MYO5B: variants seen among roughly 807,000 people sequenced by gnomAD.
MYO5B encodes the protein unconventional myosin-Vb.
In MYO5B, 143 loss-of-function variants were observed where a neutral mutation model predicts 229.3. The ratio of observed to expected loss-of-function variants is 0.62; its 90% confidence interval spans 0.54 to 0.72. The LOEUF (loss-of-function observed/expected upper bound fraction) is 0.72. Among genes scored for constraint, MYO5B ranks in the 30% least tolerant of loss-of-function variants. MYO5B has a pLI of 0.00. For missense variants in MYO5B, 2,321 were observed against 2,331.0 expected (o/e 1.00, Z 0.09); for synonymous variants, 918 against 885.2 (o/e 1.04, Z -0.66).
At chr18:49,884,645 C>T (rs575366569) in intron 22 of MYO5B, among the ~76,000 whole-genome samples, 21 of 152,240 alleles carry the variant, frequency 1.4e-4, no homozygotes, top group African/African-American at 5.1e-4. Context: ...GCTGTAAATA[C>T]AGATGAAGCC....
At chr18:49,827,139 T>C (rs1293932307) in intron 39 of MYO5B, among the ~76,000 whole-genome samples, 4 of 152,226 alleles carry the variant, frequency 2.6e-5, no homozygotes, top group Non-Finnish European at 5.9e-5. Flanking sequence ...ACAGTGATTG[T>C]CAACTATCTC....
chr18:49,965,952 G>A (rs2025620368), intron 10 of MYO5B, among the ~76,000 whole-genome samples: 1 of 152,198 alleles, frequency 6.6e-6, no homozygotes, highest in African/African-American at 2.4e-5. Context: ...CCATTCTTCA[G>A]TACAACTAAA....
intron 10 of MYO5B, 27 bp from the exon 11 acceptor site, chr18:49,963,057 G>A: frequency 6.3e-7 from 1 of 1,592,990 alleles, no homozygotes; most frequent in South Asian, 1.1e-5. Flanking sequence ...GAAGATAAGA[G>A]ACGTCTCCTT....
intron 1 of MYO5B, among the ~76,000 whole-genome samples, chr18:50,189,939 G>T (rs1034496033): frequency 6.6e-6 from 1 of 152,172 alleles, no homozygotes; most frequent in African/African-American, 2.4e-5. Flanking sequence ...GTGCAAAGCT[G>T]CCATACATAT....
chr18:50,132,244 T>C (rs2032265512), intron 1 of MYO5B, among the ~76,000 whole-genome samples: 1 of 152,148 alleles, frequency 6.6e-6, no homozygotes, highest in Admixed American at 6.5e-5. Flanking sequence ...TTAAGAACAT[T>C]TGGGCATGGT....
intron 18 of MYO5B, among the ~76,000 whole-genome samples, chr18:49,909,049 G>C (rs564503723): frequency 6.6e-6 from 1 of 152,260 alleles, no homozygotes; most frequent in East Asian, 1.9e-4. Context: ...TGCCCTGCAG[G>C]CCACCTTTGT....
At chr18:49,862,015 G>A (rs2024336537) in intron 29 of MYO5B, among the ~76,000 whole-genome samples, 1 of 134,892 alleles carries the variant, frequency 7.4e-6, no homozygotes, top group Non-Finnish European at 1.6e-5. Context: ...TTTTTTTTTG[G>A]AGACACAGTT....
At chr18:50,124,622 T>G (rs541389989) in intron 1 of MYO5B, among the ~76,000 whole-genome samples, 1 of 152,316 alleles carries the variant, frequency 6.6e-6, no homozygotes, top group South Asian at 2.1e-4. Flanking sequence ...AAGACATGTA[T>G]AGCCTGCATA....
At chr18:49,986,432 C>G (rs2025871657) in intron 7 of MYO5B, among the ~76,000 whole-genome samples, 1 of 152,232 alleles carries the variant, frequency 6.6e-6, no homozygotes, top group Non-Finnish European at 1.5e-5. Flanking sequence ...CCAGGTGACC[C>G]TGCCCACAGG....
intron 32 of MYO5B, among the ~76,000 whole-genome samples, chr18:49,847,778 G>T (rs1428241254): frequency 2.0e-5 from 3 of 152,236 alleles, no homozygotes. Context: ...TGACACAGCC[G>T]CAGGGCAAAC....
chr18:49,968,422 A>G (rs1044356379), intron 10 of MYO5B, among the ~76,000 whole-genome samples: 2 of 152,258 alleles, frequency 1.3e-5, no homozygotes, highest in Admixed American at 6.5e-5. Context: ...GCATTCATCC[A>G]AAGACATAAG....
At chr18:49,872,513 G>A (rs2024467672) in intron 26 of MYO5B, among the ~76,000 whole-genome samples, 1 of 143,150 alleles carries the variant, frequency 7.0e-6, no homozygotes, top group Admixed American at 7.0e-5. Context: ...CTGTGTTATG[G>A]CTTGAATTTT....
chr18:49,849,578 T>C lies in MYO5B; in HGVS notation c.4304A>G (p.Gln1435Arg), dbSNP rs2098788051. ...KQLKIYMKKA[Q>R]DLEAAQALAQ... ...TCACACCCCCCTACCTTCTAGGTCCTGGGCTTTCTTCATGTAAATCTTCAG... is the reference window on the plus strand; with the variant it reads ...TCACACCCCCCTACCTTCTAGGTCCCGGGCTTTCTTCATGTAAATCTTCAG... Residue 1435 changes from glutamine to arginine, a missense_variant, in exon 32 of 40, where the codon CAG (glutamine) becomes CGG (arginine). Gln to Arg is a conservative substitution (Grantham distance 43). Transcript: ENST00000285039. 2 of 1,611,074 alleles carry C rather than the reference T, an allele frequency of 1.2e-6. No homozygotes were observed. Among genetic ancestry groups the C allele is most frequent in the Admixed American group, 1.7e-5 (1 of 60,006 alleles).
chr18:49,835,511 A>G (rs886301918), intron 38 of MYO5B, 87 bp from the exon 39 acceptor site: 2 of 851,848 alleles, frequency 2.3e-6, no homozygotes, highest in African/African-American at 1.7e-5. Flanking sequence ...ACATTGGTAC[A>G]AGAGTATGAT....
intron 31 of MYO5B, chr18:49,850,026 G>A: frequency 5.5e-6 from 2 of 364,490 alleles, no homozygotes; most frequent in Non-Finnish European, 1.1e-5. Context: ...AGCGCCCTGG[G>A]AAGGAACGGA....
chr18:49,947,025 C>T (rs948256846), intron 14 of MYO5B, among the ~76,000 whole-genome samples: 4 of 151,084 alleles, frequency 2.6e-5, no homozygotes, highest in African/African-American at 4.9e-5. Flanking sequence ...GATTGGGCTA[C>T]GTAAGGATAC....
At chr18:49,882,787 C>A (rs992734288) in intron 22 of MYO5B, among the ~76,000 whole-genome samples, 1 of 151,896 alleles carries the variant, frequency 6.6e-6, no homozygotes, top group Non-Finnish European at 1.5e-5. Context: ...AATGGAAATA[C>A]ACACTTTAAA....
intron 4 of MYO5B, among the ~76,000 whole-genome samples, chr18:50,035,880 T>G (rs1233150064): frequency 6.6e-6 from 1 of 152,198 alleles, no homozygotes; most frequent in Non-Finnish European, 1.5e-5. Context: ...TATATACTGA[T>G]CTCTACAGCC....
At chr18:50,029,312 G>A (rs1036870105) in intron 4 of MYO5B, among the ~76,000 whole-genome samples, 9 of 152,130 alleles carry the variant, frequency 5.9e-5, no homozygotes, top group African/African-American at 1.2e-4. Flanking sequence ...TGAACAGCCC[G>A]GAGCATCCCA....
Sources: allele counts gnomAD v4.1 joint callset (sites outside exome capture counted in the v4.1 genomes callset), GRCh38; gene constraint gnomAD v4.1.1; transcripts MANE v1.5; gene names NCBI Gene and HGNC (gene_info 2026-07-23, HGNC 2026-07-21).